Variants in COG3 observed in about 807,000 individuals in gnomAD.
COG3 encodes the protein component of oligomeric golgi complex 3, also known as conserved oligomeric Golgi complex subunit 3.
A neutral mutation model predicts 114.1 loss-of-function variants in COG3; 32 were observed. That is an observed-to-expected ratio of 0.28 (90% CI 0.21 to 0.38). COG3 has a LOEUF of 0.38. Among genes scored for constraint, COG3 ranks in the 10% least tolerant of loss-of-function variants. COG3 has a pLI of 1.00. For missense variants in COG3, 813 were observed against 973.2 expected (o/e 0.84, Z 2.19); for synonymous variants, 352 against 365.7 (o/e 0.96, Z 0.43).
intron 14 of COG3, among the ~76,000 whole-genome samples, chr13:45,508,902 C>A (rs2137877657): frequency 6.6e-6 from 1 of 152,272 alleles, no homozygotes; most frequent in South Asian, 2.1e-4. Context: ...TGATTTGACT[C>A]AGAGTGTGGA....
rs1258921746 is a variant in COG3, at chr13:45,493,438, T to A, written c.1279T>A (p.Cys427Ser). 1.9e-6 allele frequency: 3 copies of A among 1,613,520 alleles called. No homozygotes were observed. The African/African-American group carries it at 4.0e-5, about 22-fold the overall frequency. Residue 427 changes from cysteine (C) to serine (S), a missense_variant, in exon 12 of 23, where the codon TGT becomes AGT. By Grantham distance (112) the Cys-to-Ser change is moderately radical. This residue lies in a region of COG3 where 389 missense variants were observed against 542.6 expected (regional missense o/e 0.72). Coordinates refer to ENST00000349995, the MANE Select transcript of COG3 (RefSeq NM_031431.4). ...TCACTTAGAGACTCTGTCGGAACTT[T>A]GTGGGATTCTTAAAAATGAGGTGCT... Reference protein sequence around the residue: ...VIHLETLSELCGILKNEVLED... With the variant: ...VIHLETLSELSGILKNEVLED...
Position 45,536,454 on chromosome 13 carries a change from C to A in COG3, c.*1723C>A, listed in dbSNP as rs1203587490. ...CAAAGTGCTGAGTAGGTAATAGTGA[C>A]CCAACTTGTTTGCTAAATGATTATT... On this transcript the variant is annotated 3_prime_UTR_variant, in exon 23 of 23. Coordinates refer to ENST00000349995, the MANE Select transcript of COG3 (RefSeq NM_031431.4). 6.6e-6 allele frequency: 1 copy of A among 152,126 alleles called. No homozygotes were observed. Among genetic ancestry groups the A allele is most frequent in the Non-Finnish European group, 1.5e-5 (1 of 68,022 alleles). 9.4% of individuals were successfully genotyped at this position (152,126 alleles called of 1,614,324 possible). A position where few individuals can be genotyped will look rare whatever the true frequency, so the allele number is the denominator to read the frequency against.
intron 2 of COG3, 22 bp from the exon 3 acceptor site, chr13:45,478,983 A>AT (rs1201463306): frequency 6.3e-7 from 1 of 1,588,908 alleles, no homozygotes; most frequent in Admixed American, 1.7e-5. Context: ...TTTGTTCACA[A>AT]TATAATACTC....
chr13:45,469,718 GT>G (rs1395116505), intron 1 of COG3, among the ~76,000 whole-genome samples: 2 of 152,016 alleles, frequency 1.3e-5, no homozygotes, highest in Non-Finnish European at 2.9e-5. Context: ...GAGTTGTAGA[GT>G]TACCATAAAA....
intron 8 of COG3, 31 bp from the exon 9 acceptor site, chr13:45,490,884 G>GT: frequency 3.5e-6 from 5 of 1,435,222 alleles, no homozygotes; most frequent in East Asian, 2.3e-5. Flanking sequence ...AACAGAGATG[G>GT]TTTTTTGATG....
At chr13:45,486,855 G>A (rs1886700475) in intron 8 of COG3, among the ~76,000 whole-genome samples, 1 of 152,170 alleles carries the variant, frequency 6.6e-6, no homozygotes, top group Non-Finnish European at 1.5e-5. Flanking sequence ...GTCTTGAAGG[G>A]ACCAATAAGG....
rs777125513 is a variant in COG3 at position 45,511,862 on chromosome 13, G to A, written c.1809+8G>A. ...TCTATCAGCAAAAACAAGGTTTGAT[G>A]AAGTGTTAGGTGAAATCCTGTTTCC... On this transcript the variant is annotated splice_region_variant and intron_variant, in intron 16 of 22. Coordinates refer to ENST00000349995, the MANE Select transcript of COG3 (RefSeq NM_031431.4). 5.0e-6 allele frequency: 8 copies of A among 1,599,606 alleles called. No homozygotes were observed. The South Asian group carries it at 8.8e-5, about 18-fold the overall frequency.
At chr13:45,521,424 TC>T (rs35950397) in intron 19 of COG3, among the ~76,000 whole-genome samples, 8,620 of 152,244 alleles carry the variant, frequency 0.057, 288 homozygotes, top group East Asian at 0.1. Flanking sequence ...TTTTCCTCTG[TC>T]AACCCTGGGC....
chr13:45,528,489 G>T (rs1423750133), intron 20 of COG3, among the ~76,000 whole-genome samples: 1 of 152,040 alleles, frequency 6.6e-6, no homozygotes, highest in East Asian at 1.9e-4. Context: ...TTAAAACATT[G>T]TTTTTTACAT....
At chr13:45,520,108 T>C (rs114114711) in intron 19 of COG3, among the ~76,000 whole-genome samples, 1 of 151,980 alleles carries the variant, frequency 6.6e-6, no homozygotes, top group Non-Finnish European at 1.5e-5. Flanking sequence ...GGTAACATAG[T>C]GAGACCTAGT....
intron 20 of COG3, among the ~76,000 whole-genome samples, chr13:45,528,045 C>T (rs928155073): frequency 6.6e-6 from 1 of 152,140 alleles, no homozygotes; most frequent in African/African-American, 2.4e-5. Context: ...GTTTACTAAA[C>T]ACACCCAGGC....
At chr13:45,509,860 A>G (rs1389752490) in intron 15 of COG3, 44 bp downstream of exon 15, 7 of 1,465,910 alleles carry the variant, frequency 4.8e-6, no homozygotes, top group Non-Finnish European at 6.5e-6. Flanking sequence ...TTCACTTGAA[A>G]TATTTTTAAA....
At chr13:45,469,340 A>G (rs1162196985) in intron 1 of COG3, among the ~76,000 whole-genome samples, 1 of 152,230 alleles carries the variant, frequency 6.6e-6, no homozygotes, top group African/African-American at 2.4e-5. Context: ...TTGGTTCAAG[A>G]TAACAGACTG....
At chr13:45,520,908 G>A (rs1328806090) in intron 19 of COG3, among the ~76,000 whole-genome samples, 2 of 152,198 alleles carry the variant, frequency 1.3e-5, no homozygotes, top group African/African-American at 4.8e-5. Flanking sequence ...GTACTGGTGG[G>A]AAGTATTATA....
At chr13:45,501,169 T>C (rs1869484805) in intron 13 of COG3, among the ~76,000 whole-genome samples, 1 of 152,260 alleles carries the variant, frequency 6.6e-6, no homozygotes, top group Admixed American at 6.5e-5. Context: ...CTGTACTCTT[T>C]GGAAGGAAGT....
chr13:45,491,824 A>C (rs1887035045), intron 10 of COG3, among the ~76,000 whole-genome samples: 1 of 152,198 alleles, frequency 6.6e-6, no homozygotes, highest in Non-Finnish European at 1.5e-5. Context: ...CTTTTGCTGC[A>C]GAAGTGCTTT....
chr13:45,465,072 G>A lies in COG3; in HGVS notation c.36G>A (p.Ala12=). ...CGGCGCTGTTGCTGCTGCCTGAGGCGGCGGCGGAGCGGGACGCTAGGGAAA... is the reference window on the plus strand; with the variant it reads ...CGGCGCTGTTGCTGCTGCCTGAGGCAGCGGCGGAGCGGGACGCTAGGGAAA... ...AEAALLLLPE[A]AAERDAREKL... Residue 12 remains alanine, a synonymous_variant, in exon 1 of 23, where the codon GCG becomes GCA. Transcript: ENST00000349995. The A allele has an allele frequency of 6.2e-7, 1 of 1,600,500 alleles. No individual in the cohort carries two copies. Among genetic ancestry groups the A allele is most frequent in the Non-Finnish European group, 8.5e-7 (1 of 1,174,840 alleles).
At chr13:45,492,019 C>T (rs1041781957) in intron 10 of COG3, 140 bp from the exon 11 acceptor site, 2 of 520,040 alleles carry the variant, frequency 3.8e-6, no homozygotes, top group African/African-American at 4.0e-5. Flanking sequence ...TATCGAAAAC[C>T]AACCATTTTC....
intron 19 of COG3, among the ~76,000 whole-genome samples, chr13:45,522,698 C>G (rs1872289241): frequency 6.6e-6 from 1 of 152,178 alleles, no homozygotes; most frequent in Non-Finnish European, 1.5e-5. Context: ...AAAATAACCT[C>G]TAAGTATTTG....
Sources: allele counts gnomAD v4.1 joint callset (sites outside exome capture counted in the v4.1 genomes callset), GRCh38; gene constraint gnomAD v4.1.1; regional missense constraint gnomAD v4.1.1; transcripts MANE v1.5; gene names NCBI Gene and HGNC (gene_info 2026-07-23, HGNC 2026-07-21).